MIPOL1: variants seen among roughly 807,000 people sequenced by gnomAD.
MIPOL1 encodes mirror-image polydactyly 1.
A neutral mutation model predicts 60.9 loss-of-function variants in MIPOL1; 57 were observed. The ratio of observed to expected loss-of-function variants is 0.94; its 90% confidence interval spans 0.76 to 1.17. The LOEUF is 1.17. MIPOL1 is among the 50% of genes most tolerant of loss of function. MIPOL1 has a pLI of 0.00. For missense variants in MIPOL1, 551 were observed against 511.6 expected (o/e 1.08, Z -0.74); for synonymous variants, 179 against 168.8 (o/e 1.06, Z -0.47).
chr14:37,502,687 A>C (rs1216192206), intron 12 of MIPOL1: 2 of 152,212 alleles, frequency 1.3e-5, no homozygotes, highest in Non-Finnish European at 1.5e-5. Flanking sequence ...AAAATCTGAA[A>C]ATTCTAAAAA....
intron 10 of MIPOL1, among the ~76,000 whole-genome samples, chr14:37,413,175 G>A (rs1289880818): frequency 1.3e-5 from 2 of 152,050 alleles, no homozygotes; most frequent in African/African-American, 4.8e-5. Flanking sequence ...GCGTGCATAT[G>A]TGTGTAGTTA....
intron 9 of MIPOL1, among the ~76,000 whole-genome samples, chr14:37,347,500 C>T (rs1235469569): frequency 2.6e-5 from 4 of 152,008 alleles, no homozygotes; most frequent in Non-Finnish European, 5.9e-5. Flanking sequence ...AGTTGTAGAT[C>T]TAATATGGCC....
At chr14:37,293,379 G>A (rs977086004) in intron 7 of MIPOL1, among the ~76,000 whole-genome samples, 1 of 152,164 alleles carries the variant, frequency 6.6e-6, no homozygotes, top group Non-Finnish European at 1.5e-5. Context: ...CTCCCAGCAT[G>A]AGTGATGCAG....
chr14:37,304,423 A>G (rs1362706078), intron 7 of MIPOL1, among the ~76,000 whole-genome samples: 1 of 151,748 alleles, frequency 6.6e-6, no homozygotes, highest in African/African-American at 2.4e-5. Flanking sequence ...ATACGTTTGC[A>G]TTTGTATACT....
intron 7 of MIPOL1, among the ~76,000 whole-genome samples, chr14:37,303,330 TA>T (rs1595024604): frequency 6.6e-6 from 1 of 151,790 alleles, no homozygotes; most frequent in Non-Finnish European, 1.5e-5. Flanking sequence ...TGAAACTTAT[TA>T]ATTCATTCTT....
intron 9 of MIPOL1, among the ~76,000 whole-genome samples, chr14:37,311,353 T>C (rs1044649931): frequency 6.6e-6 from 1 of 152,212 alleles, no homozygotes; most frequent in Non-Finnish European, 1.5e-5. Context: ...TCCCTCTTCC[T>C]ATCTTTTCTC....
chr14:37,308,723 A>AATT (rs1332902328), intron 9 of MIPOL1, among the ~76,000 whole-genome samples: 1 of 152,124 alleles, frequency 6.6e-6, no homozygotes, highest in Non-Finnish European at 1.5e-5. Flanking sequence ...TTTTAAATAA[A>AATT]ATTTAATGCA....
intron 12 of MIPOL1, among the ~76,000 whole-genome samples, chr14:37,541,106 C>T (rs1444163488): frequency 6.6e-6 from 1 of 152,128 alleles, no homozygotes; most frequent in African/African-American, 2.4e-5. Context: ...TGACCTTTAC[C>T]TTTTCACTTC....
intron 12 of MIPOL1, among the ~76,000 whole-genome samples, chr14:37,531,690 TG>T (rs1432131157): frequency 6.6e-6 from 1 of 152,230 alleles, no homozygotes; most frequent in African/African-American, 2.4e-5. Flanking sequence ...TGTCATGTTT[TG>T]TAGAGTTTTT....
At chr14:37,298,661 A>G (rs2086030710) in intron 7 of MIPOL1, among the ~76,000 whole-genome samples, 1 of 152,234 alleles carries the variant, frequency 6.6e-6, no homozygotes, top group Non-Finnish European at 1.5e-5. Flanking sequence ...ACTTCTCAAA[A>G]GAAGACATTT....
Position 37,333,749 on chromosome 14 carries a change from G to A in MIPOL1, c.828+25230G>A, listed in dbSNP as rs117968049. Among the ~76,000 whole-genome samples, 91 of 152,124 alleles carry A rather than the reference G, an allele frequency of 6.0e-4. 4 individuals are homozygous for A. The East Asian group carries it at 0.016, about 27-fold the overall frequency. ...AAGAAGCAAAAACTGAGAGAACTAA[G>A]GGAAGAAATACACTATTTGGCAATC... On this transcript the variant is annotated intron_variant, in intron 9 of 12. Transcript: ENST00000684589.
chr14:37,202,470 G>A (rs1370054573), intron 1 of MIPOL1, among the ~76,000 whole-genome samples: 2 of 151,996 alleles, frequency 1.3e-5, no homozygotes, highest in Non-Finnish European at 2.9e-5. Context: ...CAAAGCAATT[G>A]TGTTCATATG....
intron 10 of MIPOL1, among the ~76,000 whole-genome samples, chr14:37,403,140 T>C (rs1300763662): frequency 6.6e-6 from 1 of 152,184 alleles, no homozygotes; most frequent in African/African-American, 2.4e-5. Flanking sequence ...TTTTTTAAAA[T>C]TGAGAAATCA....
intron 1 of MIPOL1, among the ~76,000 whole-genome samples, chr14:37,219,873 T>A (rs1968446796): frequency 6.7e-6 from 1 of 149,922 alleles, no homozygotes; most frequent in Non-Finnish European, 1.5e-5. Context: ...TATGTTTAGC[T>A]AGTAAGTTGA....
intron 11 of MIPOL1, among the ~76,000 whole-genome samples, chr14:37,439,327 A>G: frequency 6.6e-6 from 1 of 152,198 alleles, no homozygotes; most frequent in East Asian, 1.9e-4. Context: ...TCTAGCCTGG[A>G]AGAACAGAAT....
chr14:37,209,810 C>T (rs1966647991), intron 1 of MIPOL1, among the ~76,000 whole-genome samples: 1 of 151,952 alleles, frequency 6.6e-6, no homozygotes, highest in Non-Finnish European at 1.5e-5. Context: ...CTCAAGCAAT[C>T]CTCCCACCTC....
In MIPOL1 at chr14:37,309,221, A is replaced by G. The variant is rs894284040; in HGVS notation, c.828+702A>G. 2.0e-5 allele frequency among the ~76,000 whole-genome samples: 3 copies of G among 151,026 alleles called. No individual in the cohort carries two copies. The Admixed American group carries it at 2.0e-4, about 10-fold the overall frequency. On this transcript the variant is annotated intron_variant, in intron 9 of 12. Transcript: ENST00000684589. ...GGCCTCAAGTGATCCTCCTCCCTCG[A>G]CCTCCCAAAGTGTTGGGGATTACAG...
intron 12 of MIPOL1, chr14:37,502,368 A>G (rs1956436): frequency 0.77 from 117,280 of 152,182 alleles, 45,711 homozygotes; most frequent in African/African-American, 0.89. Context: ...ACCTCATACA[A>G]GCGAGTGCCC....
At chr14:37,536,034 A>G (rs2095504854) in intron 12 of MIPOL1, among the ~76,000 whole-genome samples, 2 of 152,108 alleles carry the variant, frequency 1.3e-5, no homozygotes, top group African/African-American at 2.4e-5. Flanking sequence ...CCTTCCTAGT[A>G]TCTGGGACCA....
Sources: gnomAD v4.1 joint callset for allele counts (sites outside exome capture counted in the v4.1 genomes callset) on GRCh38, gnomAD v4.1.1 for gene constraint, MANE v1.5 for transcripts, NCBI Gene and HGNC (gene_info 2026-07-23, HGNC 2026-07-21) for gene names.